Variants in CD96 observed in about 807,000 individuals in gnomAD.
CD96 encodes T-cell surface protein tactile.
Under a neutral mutation model 71.3 loss-of-function variants are expected in CD96, and 70 were observed. That is an observed-to-expected ratio of 0.98 (90% CI 0.81 to 1.20). CD96 has a LOEUF of 1.20. Among genes scored for constraint, CD96 ranks in the 50% most tolerant of loss-of-function variants. The pLI is 0.00. For missense variants in CD96, 742 were observed against 677.5 expected (o/e 1.10, Z -1.06); for synonymous variants, 248 against 233.0 (o/e 1.06, Z -0.59).
At chr3:111,581,330 G>A (rs1936454921) in intron 4 of CD96, among the ~76,000 whole-genome samples, 1 of 152,050 alleles carries the variant, frequency 6.6e-6, no homozygotes, top group African/African-American at 2.4e-5. Context: ...AGTATATATT[G>A]TGGCCCTGAC....
intron 8 of CD96, among the ~76,000 whole-genome samples, chr3:111,618,459 G>A (rs968070038): frequency 6.6e-6 from 1 of 152,040 alleles, no homozygotes; most frequent in Admixed American, 6.5e-5. Flanking sequence ...ATACTGTCCA[G>A]TTTGAGAAGA....
At position 111,651,896 on chromosome 3, in the gene CD96, A is replaced by AAAAGAAAGAAAGAAAGAAAG. The variant is rs1553713921; in HGVS notation, c.*2098_*2117dup. ...GAGACTCCGCCTCAAAAAAAAAAAA[A>AAAAGAAAGAAAGAAAGAAAG]AAAGAAAGAAAGAAAGAAAGAAAGA... On this transcript the variant is annotated 3_prime_UTR_variant, in exon 14 of 14. Transcript: ENST00000352690. 20 of 146,478 alleles carry AAAAGAAAGAAAGAAAGAAAG rather than the reference A, an allele frequency of 1.4e-4. No homozygotes were observed. The highest frequency in any genetic ancestry group is 5.1e-4 in the African/African-American group (20 of 39,418). The allele number at this position is 146,478 out of a possible 1,614,324, so 9.1% of individuals were successfully genotyped here. A position where few individuals can be genotyped will look rare whatever the true frequency, so the allele number is the denominator to read the frequency against.
chr3:111,645,229 A>G (rs1939773721), intron 12 of CD96, among the ~76,000 whole-genome samples: 1 of 152,170 alleles, frequency 6.6e-6, no homozygotes, highest in African/African-American at 2.4e-5. Flanking sequence ...AGTGACCTGG[A>G]TGAGATTGGA....
chr3:111,660,076 G>A (rs756278479), intron 14 of CD96, among the ~76,000 whole-genome samples: 6 of 152,168 alleles, frequency 3.9e-5, no homozygotes, highest in Non-Finnish European at 8.8e-5. Flanking sequence ...AGTGAAAGAA[G>A]TCAAACTATC....
At chr3:111,552,499 T>C (rs910474323) in intron 2 of CD96, among the ~76,000 whole-genome samples, 1 of 152,176 alleles carries the variant, frequency 6.6e-6, no homozygotes, top group African/African-American at 2.4e-5. Flanking sequence ...CAGATATTCT[T>C]TTGCAGCATC....
At chr3:111,551,793 A>C (rs1934720770) in intron 2 of CD96, among the ~76,000 whole-genome samples, 1 of 152,114 alleles carries the variant, frequency 6.6e-6, no homozygotes, top group Admixed American at 6.5e-5. Flanking sequence ...AGAATGATTT[A>C]TATTCCTTTG....
At chr3:111,641,633 C>A (rs1939596633) in intron 12 of CD96, among the ~76,000 whole-genome samples, 1 of 152,146 alleles carries the variant, frequency 6.6e-6, no homozygotes, top group South Asian at 2.1e-4. Flanking sequence ...TAAACTATAC[C>A]TTGAAACAAA....
downstream of CD96, among the ~76,000 whole-genome samples, chr3:111,656,415 A>T (rs1454011766): frequency 6.6e-6 from 1 of 152,346 alleles, no homozygotes; most frequent in East Asian, 1.9e-4. Flanking sequence ...AAGGGAGTGC[A>T]AAATGGTGCC....
chr3:111,636,706 T>A (rs1182971008), intron 10 of CD96, among the ~76,000 whole-genome samples: 1 of 152,234 alleles, frequency 6.6e-6, no homozygotes, highest in African/African-American at 2.4e-5. Context: ...GTCTGATAAT[T>A]CACTGCTGAC....
intron 8 of CD96, among the ~76,000 whole-genome samples, chr3:111,618,187 G>A (rs1425567440): frequency 2.0e-5 from 3 of 152,192 alleles, no homozygotes; most frequent in Non-Finnish European, 2.9e-5. Flanking sequence ...GTGGGATCCA[G>A]GCTGGTAGCA....
chr3:111,636,002 C>A (rs1939308859), intron 10 of CD96, among the ~76,000 whole-genome samples: 1 of 152,134 alleles, frequency 6.6e-6, no homozygotes, highest in Non-Finnish European at 1.5e-5. Flanking sequence ...ATGGCATAAT[C>A]ATTAAAAAAT....
rs201510741 is a variant in CD96, at chr3:111,639,359, TC to T, written c.1477+1197del. On this transcript the variant is annotated intron_variant, in intron 12 of 13. Coordinates refer to ENST00000352690, the MANE Select transcript of CD96 (RefSeq NM_005816.5). The stretch of plus-strand genomic sequence containing the variant: ...CGGTGAGGCCTGTGACTGCCGGCTT[TC>T]CCCCCTCTTTCCTGACAACCTGCAT... Among the ~76,000 whole-genome samples the T allele has an allele frequency of 5.0e-3, 763 of 151,736 alleles. 28 individuals carry two copies. Among genetic ancestry groups the T allele is most frequent in the Admixed American group, 0.044 (673 of 15,246 alleles).
At position 111,640,880 on chromosome 3, in the gene CD96, A is replaced by G. The variant is rs567265081; in HGVS notation, c.1477+2712A>G. Among the ~76,000 whole-genome samples the G allele has an allele frequency of 1.6e-3, 242 of 152,300 alleles. 1 individual carries two copies. The highest frequency in any genetic ancestry group is 5.5e-3 in the African/African-American group (230 of 41,558). ...TTTTTAGCCAAGAATTTTGTGTCCAATGAAGCTAAGCATCATATATGAAGG... is the reference window on the plus strand; with the variant it reads ...TTTTTAGCCAAGAATTTTGTGTCCAGTGAAGCTAAGCATCATATATGAAGG... On this transcript the variant is annotated intron_variant, in intron 12 of 13. Transcript: ENST00000352690.
intron 5 of CD96, chr3:111,594,257 T>A: frequency 6.6e-7 from 1 of 1,509,736 alleles, no homozygotes; most frequent in South Asian, 1.3e-5. Context: ...CAAAAGCTTA[T>A]TTGAACCACA....
intron 4 of CD96, among the ~76,000 whole-genome samples, chr3:111,581,299 C>T (rs563767356): frequency 9.9e-5 from 15 of 152,264 alleles, no homozygotes; most frequent in African/African-American, 3.4e-4. Flanking sequence ...CAGTCCTTAA[C>T]CTATTTTGAG....
At chr3:111,637,284 G>C (rs1939375456) in intron 11 of CD96, 23 bp downstream of exon 11, 1 of 1,330,262 alleles carries the variant, frequency 7.5e-7, no homozygotes, top group East Asian at 2.3e-5. Context: ...GGAAGATTTA[G>C]GGACACTGAA....
intron 5 of CD96, among the ~76,000 whole-genome samples, chr3:111,585,907 A>G (rs1936691527): frequency 2.0e-5 from 3 of 152,100 alleles, no homozygotes; most frequent in Non-Finnish European, 2.9e-5. Flanking sequence ...CCTCTGACTT[A>G]ACTTCTTCTG....
intron 9 of CD96, 88 bp from the exon 10 acceptor site, chr3:111,624,245 A>T: frequency 1.1e-6 from 1 of 879,558 alleles, no homozygotes. Flanking sequence ...CCCCAAAGTC[A>T]CATAGATTAA....
At chr3:111,594,227 T>A in intron 5 of CD96, 1 of 1,561,738 alleles carries the variant, frequency 6.4e-7, no homozygotes, top group African/African-American at 1.4e-5. Context: ...GCGTTCTTTA[T>A]GATGTGCTTA....
Sources: gnomAD v4.1 joint callset for allele counts (sites outside exome capture counted in the v4.1 genomes callset) on GRCh38, gnomAD v4.1.1 for gene constraint, MANE v1.5 for transcripts, NCBI Gene and HGNC (gene_info 2026-07-23, HGNC 2026-07-21) for gene names.